Variants in NINJ2 observed in about 807,000 individuals in gnomAD.
NINJ2 encodes ninjurin-2.
In NINJ2, 12 loss-of-function variants were observed where a neutral mutation model predicts 11.7. The observed-to-expected ratio is 1.02, with a 90% confidence interval of 0.66 to 1.66. The LOEUF (loss-of-function observed/expected upper bound fraction) is 1.66. Ranked by LOEUF, NINJ2 falls within the 40% of genes most tolerant of loss-of-function variation. The pLI is 0.00. For missense variants in NINJ2, 187 were observed against 181.8 expected, an observed-to-expected ratio of 1.03 and a Z score of -0.16; for synonymous variants, 93 against 76.8, an observed-to-expected ratio of 1.21 and a Z score of -1.10.
intron 1 of NINJ2, among the ~76,000 whole-genome samples, chr12:568,638 C>T (rs1484369303): frequency 6.6e-6 from 1 of 152,232 alleles, no homozygotes; most frequent in African/African-American, 2.4e-5. Context: ...GACCACACTC[C>T]AGGCCATCAG....
Position 576,675 on chromosome 12 carries a change from G to C in NINJ2, c.34-10497C>G, listed in dbSNP as rs912983266. ...CCCCGGCCTCCGTGCTCTTTCTCAG[G>C]GAGCATTTTCCACCTCCCCTGCAAG... On this transcript the variant is annotated intron_variant, in intron 1 of 3. Coordinates refer to ENST00000305108, the MANE Select transcript of NINJ2 (RefSeq NM_016533.6). Among the ~76,000 whole-genome samples, 6 of 152,176 alleles carry C rather than the reference G, an allele frequency of 3.9e-5. No homozygotes were observed. In the South Asian group the frequency reaches 1.2e-3, roughly 32 times the overall value.
chr12:587,671 C>T (rs563490939), intron 1 of NINJ2, among the ~76,000 whole-genome samples: 8 of 152,258 alleles, frequency 5.3e-5, no homozygotes, highest in Admixed American at 2.6e-4. Flanking sequence ...TTCTTCCCTG[C>T]CCCGGGGCCT....
intron 1 of NINJ2, among the ~76,000 whole-genome samples, chr12:629,397 G>A (rs1467143121): frequency 6.6e-6 from 1 of 152,148 alleles, no homozygotes; most frequent in Non-Finnish European, 1.5e-5. Flanking sequence ...CACCTGGGTG[G>A]AGGGAGCACA....
rs1402651004 is a variant in NINJ2, at chr12:614,217, C to T, written c.34-48039G>A. On this transcript the variant is annotated intron_variant, in intron 1 of 3. Coordinates refer to ENST00000305108, the MANE Select transcript of NINJ2 (RefSeq NM_016533.6). This position sits in a 1 kb window ranked among gnomAD's most constrained non-coding sequence, Gnocchi z 5.1. ...TTCCAGCCTTCTCCACAGGCACCTG[C>T]TCAGCTTGGTTTGGGTCCATGGGTA... is the stretch of plus-strand genomic sequence containing the variant. Among the ~76,000 whole-genome samples, 2 of 152,214 alleles carry T rather than the reference C, an allele frequency of 1.3e-5. No homozygotes were observed. The highest frequency in any genetic ancestry group is 1.9e-4 in the East Asian group (1 of 5,196).
At chr12:645,092 T>C (rs1937654564) in intron 1 of NINJ2, 1 of 152,208 alleles carries the variant, frequency 6.6e-6, no homozygotes, top group Non-Finnish European at 1.5e-5. Flanking sequence ...TATAACCCAA[T>C]TATTCTTTGA....
In NINJ2 at chr12:565,272, C is replaced by G. The variant is rs1388768584; in HGVS notation, c.392G>C (p.Gly131Ala). ...CCTTGAGGCCCTGGCAGCCAGGAAC[C>G]CTGTTTTATGTGCCCCGAAGGCTGT... The part of the protein sequence containing the change: ...FITAFGAHKT[G>A]FLAARASRNP... The change falls in exon 3 of 4, where the codon GGG (glycine) becomes GCG (alanine). Residue 131 changes from glycine (G) to alanine (A), a missense_variant. By Grantham distance (60) the Gly-to-Ala change is moderately conservative. Coordinates refer to ENST00000305108, the MANE Select transcript of NINJ2 (RefSeq NM_016533.6). 1 of 1,614,038 alleles carries G rather than the reference C, an allele frequency of 6.2e-7. No individual in the cohort carries two copies. The highest frequency in any genetic ancestry group is 8.5e-7 in the Non-Finnish European group (1 of 1,180,002).
intron 1 of NINJ2, among the ~76,000 whole-genome samples, chr12:613,175 T>A (rs1255829047): frequency 1.3e-5 from 2 of 152,198 alleles, no homozygotes; most frequent in Non-Finnish European, 2.9e-5. Context: ...AGGAATAGTT[T>A]CCCCATGCTA....
At chr12:577,202 T>A (rs944969587) in intron 1 of NINJ2, among the ~76,000 whole-genome samples, 18 of 151,782 alleles carry the variant, frequency 1.2e-4, no homozygotes, top group Admixed American at 9.2e-4. Flanking sequence ...CACAAGATAT[T>A]CAATAGTCTC....
At chr12:576,720 T>C (rs1438835766) in intron 1 of NINJ2, among the ~76,000 whole-genome samples, 2 of 152,210 alleles carry the variant, frequency 1.3e-5, no homozygotes, top group Non-Finnish European at 2.9e-5. Context: ...TGCCAGTGGC[T>C]TTCAGAAAAG....
intron 1 of NINJ2, among the ~76,000 whole-genome samples, chr12:574,799 A>G (rs1405784323): frequency 6.6e-6 from 1 of 152,262 alleles, no homozygotes; most frequent in Non-Finnish European, 1.5e-5. Flanking sequence ...TGGTTAAGAT[A>G]AACATGTTAA....
At chr12:639,921 C>G (rs988736673) in intron 1 of NINJ2, among the ~76,000 whole-genome samples, 3 of 152,220 alleles carry the variant, frequency 2.0e-5, no homozygotes, top group African/African-American at 7.2e-5. Context: ...TGATTCTTGG[C>G]TCTTCAAAGG....
intron 1 of NINJ2, among the ~76,000 whole-genome samples, chr12:609,246 GCTAGGGGCTGTACGCACGCACGGCGCCA>G (rs1947986060): frequency 7.9e-6 from 1 of 127,206 alleles, no homozygotes; most frequent in Non-Finnish European, 1.9e-5. Context: ...ACGGCGCCAC[GCTAGGGGCTGTACGCACGCACGGCGCCA>G]CGCGCTAGGT....
At chr12:587,703 G>T (rs1003718225) in intron 1 of NINJ2, among the ~76,000 whole-genome samples, 4 of 152,164 alleles carry the variant, frequency 2.6e-5, no homozygotes, top group African/African-American at 9.7e-5. Flanking sequence ...GGGGGTGGGG[G>T]TGGCCAGGGA....
At chr12:620,771 A>G (rs1168902931) in intron 1 of NINJ2, among the ~76,000 whole-genome samples, 1 of 152,170 alleles carries the variant, frequency 6.6e-6, no homozygotes. Flanking sequence ...CTGGGATTAC[A>G]GGTGTGCGCC....
At chr12:620,572 A>T (rs1422675689) in intron 1 of NINJ2, among the ~76,000 whole-genome samples, 2 of 152,236 alleles carry the variant, frequency 1.3e-5, no homozygotes, top group African/African-American at 2.4e-5. Flanking sequence ...GTAGATACTA[A>T]AAGTACAATT....
At chr12:632,467 T>A (rs1400509141) in intron 1 of NINJ2, 1 of 152,212 alleles carries the variant, frequency 6.6e-6, no homozygotes, top group African/African-American at 2.4e-5. Context: ...CCCTGCACTC[T>A]GGAATGTTCA....
At chr12:600,111 A>G (rs566149337) in intron 1 of NINJ2, among the ~76,000 whole-genome samples, 3 of 152,286 alleles carry the variant, frequency 2.0e-5, no homozygotes, top group Non-Finnish European at 4.4e-5. Context: ...GGCTACTTCC[A>G]AGCTTCAATT....
At chr12:569,666 G>A (rs1315344294) in intron 1 of NINJ2, among the ~76,000 whole-genome samples, 2 of 152,232 alleles carry the variant, frequency 1.3e-5, no homozygotes, top group African/African-American at 2.4e-5. Flanking sequence ...GGGGGTGGCA[G>A]GGGTGAGTAC....
At chr12:613,856 G>C (rs901432713) in intron 1 of NINJ2, among the ~76,000 whole-genome samples, 2 of 152,148 alleles carry the variant, frequency 1.3e-5, no homozygotes, top group African/African-American at 4.8e-5. Context: ...AGTGAGCCGA[G>C]ATCGCGCCAC....
Sources: gnomAD v4.1 joint callset for allele counts (sites outside exome capture counted in the v4.1 genomes callset) on GRCh38, gnomAD v4.1.1 for gene constraint, Gnocchi (gnomAD v3.1) non-coding constraint, MANE v1.5 for transcripts, NCBI Gene and HGNC (gene_info 2026-07-23, HGNC 2026-07-21) for gene names.